The following RUNX2 variants were observed in gnomAD, a reference collection of about 807,000 sequenced individuals.
RUNX2 encodes the protein runt-related transcription factor 2.
A neutral mutation model predicts 51.7 loss-of-function variants in RUNX2; 10 were observed. That is an observed-to-expected ratio of 0.19 (90% CI 0.12 to 0.33). RUNX2 has a LOEUF of 0.33. RUNX2 is among the 10% of genes least tolerant of loss of function. RUNX2 has a pLI of 1.00. For synonymous variants in RUNX2, 276 were observed against 273.6 expected (o/e 1.01, Z -0.09); for missense variants, 562 against 691.3 (o/e 0.81, Z 2.10).
intron 5 of RUNX2, among the ~76,000 whole-genome samples, chr6:45,479,552 A>G (rs1209188022): frequency 6.6e-6 from 1 of 152,194 alleles, no homozygotes; most frequent in Middle Eastern, 3.2e-3. Flanking sequence ...ACACATAGGT[A>G]TGCATATAAT....
Position 45,422,971 on chromosome 6 carries a change from C to T in RUNX2, c.423+14C>T. The T allele has an allele frequency of 6.2e-7, 1 of 1,605,480 alleles. No individual in the cohort carries two copies. Among genetic ancestry groups the T allele is most frequent in the African/African-American group, 1.3e-5 (1 of 74,834 alleles). On this transcript the variant is annotated intron_variant, in intron 3 of 8. Transcript: ENST00000647337. ...GTGGCCTTCAAGGTAAGAGGCTACACCGCCCCCCGCCCCCGGCCGGGAGCG... is the reference window on the plus strand; with the variant it reads ...GTGGCCTTCAAGGTAAGAGGCTACATCGCCCCCCGCCCCCGGCCGGGAGCG...
At chr6:45,428,518 G>A (rs2150365868) in intron 3 of RUNX2, among the ~76,000 whole-genome samples, 1 of 152,232 alleles carries the variant, frequency 6.6e-6, no homozygotes, top group Non-Finnish European at 1.5e-5. Context: ...AGGAAAGATT[G>A]TCACTACCTT....
chr6:45,478,755 A>C (rs1374836376), intron 5 of RUNX2, among the ~76,000 whole-genome samples: 2 of 152,132 alleles, frequency 1.3e-5, no homozygotes, highest in Non-Finnish European at 2.9e-5. Flanking sequence ...TACAGATGAG[A>C]AAATTCTGTA....
intron 6 of RUNX2, among the ~76,000 whole-genome samples, chr6:45,495,053 C>T (rs1038799813): frequency 1.3e-5 from 2 of 152,240 alleles, no homozygotes; most frequent in South Asian, 4.1e-4. Context: ...ACCCATCCTC[C>T]AAGGCCACTG....
intron 2 of RUNX2, among the ~76,000 whole-genome samples, chr6:45,351,585 T>C (rs140274965): frequency 7.6e-4 from 116 of 152,302 alleles, no homozygotes; most frequent in South Asian, 7.2e-3. Context: ...TCTGTTACAT[T>C]TTCTGTTCCT....
At chr6:45,470,604 C>A (rs987807496) in intron 5 of RUNX2, among the ~76,000 whole-genome samples, 1 of 152,182 alleles carries the variant, frequency 6.6e-6, no homozygotes, top group African/African-American at 2.4e-5. Context: ...GAAAAAGCAA[C>A]CTGGCCTCCA....
At chr6:45,415,215 T>C (rs974412905) in intron 2 of RUNX2, among the ~76,000 whole-genome samples, 1 of 152,186 alleles carries the variant, frequency 6.6e-6, no homozygotes, top group Admixed American at 6.5e-5. Flanking sequence ...AAAAGTTTAA[T>C]GTGAAGAATT....
intron 6 of RUNX2, among the ~76,000 whole-genome samples, chr6:45,492,369 C>T (rs994901778): frequency 2.6e-5 from 4 of 152,090 alleles, no homozygotes; most frequent in East Asian, 1.9e-4. Flanking sequence ...CCTGGTGGAA[C>T]GGTAATAATG....
chr6:45,530,896 T>C (rs1801820481), intron 7 of RUNX2, among the ~76,000 whole-genome samples: 1 of 152,100 alleles, frequency 6.6e-6, no homozygotes, highest in Non-Finnish European at 1.5e-5. Context: ...ACTCCAAAGG[T>C]GAGAGTAAAA....
At chr6:45,403,717 T>C (rs553169958) in intron 2 of RUNX2, among the ~76,000 whole-genome samples, 2 of 152,210 alleles carry the variant, frequency 1.3e-5, no homozygotes, top group African/African-American at 2.4e-5. Context: ...AGGGATTCAA[T>C]AGTAAACAAA....
chr6:45,390,213 G>A (rs1299827208), intron 2 of RUNX2, among the ~76,000 whole-genome samples: 2 of 151,942 alleles, frequency 1.3e-5, no homozygotes, highest in South Asian at 4.2e-4. Flanking sequence ...TGATAATAAT[G>A]TCAATGATAA....
intron 7 of RUNX2, among the ~76,000 whole-genome samples, chr6:45,532,064 T>C (rs1408352664): frequency 6.6e-6 from 1 of 152,102 alleles, no homozygotes; most frequent in African/African-American, 2.4e-5. Flanking sequence ...CATTTTCTTT[T>C]GGCCTGTGTT....
intron 2 of RUNX2, among the ~76,000 whole-genome samples, chr6:45,420,907 CA>C (rs1257850054): frequency 2.6e-5 from 4 of 152,178 alleles, no homozygotes; most frequent in Non-Finnish European, 1.5e-5. Context: ...ATATAAACCA[CA>C]AAAACCTAAT....
At chr6:45,437,643 T>G (rs761481632) in intron 4 of RUNX2, among the ~76,000 whole-genome samples, 36 of 152,222 alleles carry the variant, frequency 2.4e-4, no homozygotes, top group Non-Finnish European at 5.9e-5. Flanking sequence ...AAAAAGAACC[T>G]TCCTCAAGTG....
At chr6:45,363,369 T>C (rs1384752305) in intron 2 of RUNX2, among the ~76,000 whole-genome samples, 1 of 152,192 alleles carries the variant, frequency 6.6e-6, no homozygotes, top group Non-Finnish European at 1.5e-5. Flanking sequence ...GTCTGGGATT[T>C]GCTTTAAAAT....
At chr6:45,386,867 T>A (rs1323674417) in intron 2 of RUNX2, among the ~76,000 whole-genome samples, 1 of 152,150 alleles carries the variant, frequency 6.6e-6, no homozygotes, top group Non-Finnish European at 1.5e-5. Flanking sequence ...TCTTGGGCAT[T>A]AAGTTTGGGC....
In RUNX2 at chr6:45,361,303, T is replaced by TG. The variant is rs1794216747; in HGVS notation, c.58+32519_58+32520insG. On this transcript the variant is annotated intron_variant, in intron 2 of 8. Coordinates refer to ENST00000647337, the MANE Select transcript of RUNX2 (RefSeq NM_001024630.4). The stretch of plus-strand genomic sequence containing the variant: ...CAAGATTTTTTCAATGTTATTGCTA[T>TG]TTATCCCCAAAACTCCCAATTTTTA... 2.0e-5 allele frequency among the ~76,000 whole-genome samples: 3 copies of TG among 152,146 alleles called. No homozygotes were observed. The South Asian group carries it at 6.2e-4, about 31-fold the overall frequency.
intron 2 of RUNX2, among the ~76,000 whole-genome samples, chr6:45,374,634 C>T (rs549653336): frequency 6.8e-4 from 103 of 152,130 alleles, no homozygotes; most frequent in African/African-American, 2.3e-3. Context: ...AGATTTCTGA[C>T]GGATTTCACT....
Position 45,468,889 on chromosome 6 carries a change from T to A in RUNX2, c.686-23052T>A, listed in dbSNP as rs531453713. On this transcript the variant is annotated intron_variant, in intron 5 of 8. Transcript: ENST00000647337. ...ACATATTTCCCAAACTCCCAAGGAGTTTGTACTACCTGAGCTGAGAACCAC... is the reference window on the plus strand; with the variant it reads ...ACATATTTCCCAAACTCCCAAGGAGATTGTACTACCTGAGCTGAGAACCAC... Among the ~76,000 whole-genome samples, 16 of 152,190 alleles carry A rather than the reference T, an allele frequency of 1.1e-4. No homozygotes were observed. In the East Asian group the frequency reaches 3.1e-3, roughly 29 times the overall value.
Sources: allele counts gnomAD v4.1 joint callset (sites outside exome capture counted in the v4.1 genomes callset), GRCh38; gene constraint gnomAD v4.1.1; transcripts MANE v1.5; gene names NCBI Gene and HGNC (gene_info 2026-07-23, HGNC 2026-07-21).